GRM5: variants seen among roughly 807,000 people sequenced by gnomAD.
GRM5 encodes metabotropic glutamate receptor 5.
In GRM5, 19 loss-of-function variants were observed where a neutral mutation model predicts 83.1. That is an observed-to-expected ratio of 0.23 (90% confidence interval 0.16 to 0.34). GRM5 has a LOEUF of 0.34. GRM5 is among the 10% of genes least tolerant of loss of function. The pLI is 1.00. For synonymous variants in GRM5, 675 were observed against 633.6 expected (o/e 1.07, Z -0.98); for missense variants, 1,160 against 1,588.3 (o/e 0.73, Z 4.58).
At position 88,508,980 on chromosome 11, in the gene GRM5, G is replaced by C. The variant is rs370069106; in HGVS notation, c.3251C>G (p.Ala1084Gly). Residue 1084 changes from alanine (A) to glycine (G), a missense_variant, in exon 10 of 10, where the codon GCC (alanine) becomes GGC (glycine). Physicochemically the swap from Ala to Gly is moderately conservative, Grantham distance 60. Around this residue, in one of 9 missense-constraint regions of GRM5, gnomAD observed 562 missense variants for 532.4 expected, o/e 1.06. Coordinates refer to ENST00000305447, the MANE Select transcript of GRM5 (RefSeq NM_001143831.3). The surrounding 1 kb of genome is among the most constrained non-coding windows in gnomAD (Gnocchi z 4.2). Reference sequence around the variant, plus strand: ...CGGGGCGCCGACGCCGGGGCTGGGGGCCGCGGTGGACAGCATCATGGAGTT... The same window carrying C: ...CGGGGCGCCGACGCCGGGGCTGGGGCCCGCGGTGGACAGCATCATGGAGTT... Reference protein sequence around the residue: ...ELNSMMLSTAAPSPGVGAPLC... With the variant: ...ELNSMMLSTAGPSPGVGAPLC... The C allele has an allele frequency of 6.3e-7, 1 of 1,583,588 alleles. No homozygotes were observed. The highest frequency in any genetic ancestry group is 1.3e-5 in the African/African-American group (1 of 74,424).
intron 9 of GRM5, among the ~76,000 whole-genome samples, chr11:88,513,657 G>A (rs941430208): frequency 2.0e-5 from 3 of 152,052 alleles, no homozygotes; most frequent in African/African-American, 7.2e-5. Flanking sequence ...GGAAAGAAAG[G>A]ACCCAGATTC....
intron 9 of GRM5, among the ~76,000 whole-genome samples, chr11:88,513,059 C>T (rs1941422703): frequency 6.6e-6 from 1 of 152,178 alleles, no homozygotes; most frequent in Non-Finnish European, 1.5e-5. Context: ...CATTGTGCTA[C>T]ATCCTCTCTT....
At chr11:88,531,917 A>G (rs923439274) in intron 8 of GRM5, among the ~76,000 whole-genome samples, 1 of 152,048 alleles carries the variant, frequency 6.6e-6, no homozygotes, top group Non-Finnish European at 1.5e-5. Flanking sequence ...GTGAGCACTT[A>G]AACTCGTTTT....
intron 2 of GRM5, among the ~76,000 whole-genome samples, chr11:88,852,961 T>C (rs185590831): frequency 7.2e-4 from 110 of 152,190 alleles, no homozygotes; most frequent in Middle Eastern, 3.4e-3. Flanking sequence ...TCAAGTAATA[T>C]GTAGAATGAG....
chr11:88,687,574 T>C (rs545904025), intron 3 of GRM5, among the ~76,000 whole-genome samples: 1 of 33,658 alleles, frequency 3.0e-5, no homozygotes, highest in Non-Finnish European at 4.6e-5. Context: ...TATATATATA[T>C]ATATAATATA....
chr11:88,827,967 T>G (rs1943922168), intron 3 of GRM5, among the ~76,000 whole-genome samples: 1 of 152,118 alleles, frequency 6.6e-6, no homozygotes, highest in South Asian at 2.1e-4. Context: ...TGTTTAAATG[T>G]GATGGTCAGA....
At chr11:88,939,494 G>T (rs186341314) in intron 2 of GRM5, among the ~76,000 whole-genome samples, 180 of 151,736 alleles carry the variant, frequency 1.2e-3, no homozygotes, top group Non-Finnish European at 2.1e-3. Flanking sequence ...CTGCATATGT[G>T]GGCAACAAAG....
intron 2 of GRM5, among the ~76,000 whole-genome samples, chr11:88,970,066 T>C (rs897110749): frequency 6.6e-6 from 1 of 152,178 alleles, no homozygotes; most frequent in African/African-American, 2.4e-5. Context: ...ATCTAACATG[T>C]ATTAAGTGAC....
chr11:88,668,297 G>GCACACACACACACACACACGCA, intron 3 of GRM5, among the ~76,000 whole-genome samples: 1 of 130,118 alleles, frequency 7.7e-6, no homozygotes, highest in South Asian at 2.6e-4. Flanking sequence ...CCAGAAACTC[G>GCACACACACACACACACACGCA]CACACACACA....
Position 88,545,339 on chromosome 11 carries a change from T to A in GRM5, c.2631-19935A>T, listed in dbSNP as rs112657925. ...TCACTTAGATGTCTCTTAGAAATTTTAAATTTAATAGTTCCAAAAACAAAC... is the reference window on the plus strand; with the variant it reads ...TCACTTAGATGTCTCTTAGAAATTTAAAATTTAATAGTTCCAAAAACAAAC... On this transcript the variant is annotated intron_variant, in intron 8 of 9. Transcript: ENST00000305447. Among the ~76,000 whole-genome samples the A allele has an allele frequency of 2.2e-3, 339 of 152,284 alleles. 4 individuals carry two copies. Among genetic ancestry groups the A allele is most frequent in the African/African-American group, 7.8e-3 (323 of 41,566 alleles).
At chr11:88,608,449 T>C (rs1445348994) in intron 4 of GRM5, among the ~76,000 whole-genome samples, 1 of 152,106 alleles carries the variant, frequency 6.6e-6, no homozygotes, top group East Asian at 1.9e-4. Context: ...AAATTTATCT[T>C]ATTATCTTGC....
At chr11:88,942,227 T>C (rs1938139699) in intron 2 of GRM5, among the ~76,000 whole-genome samples, 2 of 151,984 alleles carry the variant, frequency 1.3e-5, no homozygotes, top group Non-Finnish European at 2.9e-5. Context: ...AATATACACA[T>C]TTTAATATTT....
chr11:88,872,748 A>G (rs1361966858), intron 2 of GRM5, among the ~76,000 whole-genome samples: 1 of 151,456 alleles, frequency 6.6e-6, no homozygotes. Context: ...GAATCAAAGC[A>G]TATTACTAGA....
chr11:88,987,745 G>T lies in GRM5; in HGVS notation c.661+59467C>A, dbSNP rs1319979640. Among the ~76,000 whole-genome samples the T allele has an allele frequency of 9.4e-3, 1,422 of 151,854 alleles. 24 individuals carry two copies. The highest frequency in any genetic ancestry group is 0.033 in the African/African-American group (1,370 of 41,338). On this transcript the variant is annotated intron_variant, in intron 2 of 9. Coordinates refer to ENST00000305447, the MANE Select transcript of GRM5 (RefSeq NM_001143831.3). ...TAACTGGGAGGCACCCCCCAGCAGG[G>T]GCACACTGACACCTCACACGGCAGG... is the stretch of plus-strand genomic sequence containing the variant.
intron 7 of GRM5, among the ~76,000 whole-genome samples, chr11:88,570,569 ATAT>A (rs1298520938): frequency 1.4e-5 from 1 of 73,848 alleles, no homozygotes; most frequent in East Asian, 3.1e-4. Context: ...ATATATATAT[ATAT>A]TTTTTTTTTT....
Position 88,691,222 on chromosome 11 carries a change from C to A in GRM5, c.912-37819G>T, listed in dbSNP as rs574340100. 2.0e-5 allele frequency among the ~76,000 whole-genome samples: 3 copies of A among 152,220 alleles called. No homozygotes were observed. The South Asian group carries it at 6.2e-4, about 32-fold the overall frequency. ...TAGAGGCTTAAATCAAACACTTTTTCTACCATAACCATAGTTTTATTTTTT... is the reference window on the plus strand; with the variant it reads ...TAGAGGCTTAAATCAAACACTTTTTATACCATAACCATAGTTTTATTTTTT... On this transcript the variant is annotated intron_variant, in intron 3 of 9. Transcript: ENST00000305447.
chr11:88,591,754 C>G (rs1937644777), intron 6 of GRM5, among the ~76,000 whole-genome samples: 1 of 152,088 alleles, frequency 6.6e-6, no homozygotes, highest in Non-Finnish European at 1.5e-5. Flanking sequence ...TACAAAAATA[C>G]AAGCAGGGAA....
At chr11:88,818,953 A>G (rs975005724) in intron 3 of GRM5, among the ~76,000 whole-genome samples, 2 of 152,358 alleles carry the variant, frequency 1.3e-5, no homozygotes, top group African/African-American at 4.8e-5. Flanking sequence ...ATAAATTTCA[A>G]CTTTCTAGAA....
intron 2 of GRM5, among the ~76,000 whole-genome samples, chr11:89,042,157 G>A (rs550052642): frequency 1.3e-5 from 2 of 152,230 alleles, no homozygotes; most frequent in South Asian, 4.2e-4. Flanking sequence ...CAATTCTCCT[G>A]TGAAGGCTAA....
Sources: allele counts gnomAD v4.1 joint callset (sites outside exome capture counted in the v4.1 genomes callset), GRCh38; gene constraint gnomAD v4.1.1; regional missense constraint gnomAD v4.1.1; non-coding constraint Gnocchi (gnomAD v3.1); transcripts MANE v1.5; gene names NCBI Gene and HGNC (gene_info 2026-07-23, HGNC 2026-07-21).